CRISP2: variants seen among roughly 807,000 people sequenced by gnomAD.
The protein encoded by CRISP2 is cysteine-rich secretory protein 2.
In CRISP2, 29 loss-of-function variants were observed where a neutral mutation model predicts 31.7. The ratio of observed to expected loss-of-function variants is 0.92; its 90% CI spans 0.68 to 1.25. The LOEUF (loss-of-function observed/expected upper bound fraction) is 1.25, where lower values mean the gene tolerates loss of function less well. Ranked by LOEUF, CRISP2 falls within the 50% of genes most tolerant of loss-of-function variation. CRISP2 has a pLI of 0.00. For synonymous variants in CRISP2, 111 were observed against 101.4 expected (o/e 1.09, Z -0.57); for missense variants, 318 against 286.5 (o/e 1.11, Z -0.79).
rs1318244749 is a variant in CRISP2, at chr6:49,700,703, C to T, written c.148G>A (p.Ala50Thr). 2 of 1,612,228 alleles carry T rather than the reference C, an allele frequency of 1.2e-6. No individual in the cohort carries two copies. The highest frequency in any genetic ancestry group is 8.5e-7 in the Non-Finnish European group (1 of 1,178,804). Residue 50 changes from alanine to threonine, a missense_variant, in exon 5 of 10, where the codon GCA becomes ACA. Transcript: ENST00000339139. ...IVNKHNELRK[A>T]VSPPASNMLK... ...ATGTTACTGGCAGGTGGAGAGACTG[C>T]TTTCCTTAGTTCATTGTGTTTATTT... is the stretch of plus-strand genomic sequence containing the variant.
At chr6:49,704,672 C>T (rs1380960939) in intron 4 of CRISP2, among the ~76,000 whole-genome samples, 1 of 152,148 alleles carries the variant, frequency 6.6e-6, no homozygotes, top group Non-Finnish European at 1.5e-5. Context: ...CTGGAGAATG[C>T]CTGCAAAGAG....
chr6:49,682,640 TTTCTTC>T, the CRISP2 span, among the ~76,000 whole-genome samples: 4 of 74,936 alleles, frequency 5.3e-5, no homozygotes, highest in Admixed American at 6.0e-4. Flanking sequence ...TCTTTCTTTC[TTTCTTC>T]TTTCTTTCTT....
At chr6:49,696,726 G>A (rs1394073288) in intron 8 of CRISP2, among the ~76,000 whole-genome samples, 1 of 152,090 alleles carries the variant, frequency 6.6e-6, no homozygotes, top group South Asian at 2.1e-4. Flanking sequence ...TTAAAATTAT[G>A]TGGGAGTCCA....
At chr6:49,709,781 A>G (rs1767683273) in intron 3 of CRISP2, among the ~76,000 whole-genome samples, 1 of 152,204 alleles carries the variant, frequency 6.6e-6, no homozygotes, top group Admixed American at 6.5e-5. Flanking sequence ...TATACTTGTG[A>G]ATATTTTCAA....
chr6:49,695,718 GT>G, intron 9 of CRISP2, 117 bp downstream of exon 9: 3 of 838,992 alleles, frequency 3.6e-6, no homozygotes, highest in Non-Finnish European at 5.5e-6. Flanking sequence ...ATAATTTTGG[GT>G]TTTTTCACCA....
chr6:49,702,270 C>G (rs1043045456), intron 4 of CRISP2, among the ~76,000 whole-genome samples: 4 of 146,196 alleles, frequency 2.7e-5, no homozygotes, highest in Admixed American at 7.1e-5. Flanking sequence ...TATAAACATG[C>G]GTGTGCAAGT....
At chr6:49,684,098 A>C in the CRISP2 span, among the ~76,000 whole-genome samples, 1 of 152,152 alleles carries the variant, frequency 6.6e-6, no homozygotes, top group East Asian at 1.9e-4. Context: ...TCATCCGTAA[A>C]ATAAAGAGAA....
At chr6:49,681,532 G>A in the CRISP2 span, among the ~76,000 whole-genome samples, 2 of 151,884 alleles carry the variant, frequency 1.3e-5, no homozygotes, top group South Asian at 4.2e-4. Context: ...ATTAAATGTG[G>A]GCAATAACAT....
the CRISP2 span, among the ~76,000 whole-genome samples, chr6:49,683,156 C>G: frequency 5.8e-5 from 4 of 69,362 alleles, no homozygotes; most frequent in Non-Finnish European, 8.9e-5. Context: ...GAAACTCCAT[C>G]TCAAAATAAA....
chr6:49,696,585 AGT>A (rs1491409457), intron 8 of CRISP2, among the ~76,000 whole-genome samples: 15 of 88,800 alleles, frequency 1.7e-4, no homozygotes, highest in Non-Finnish European at 2.0e-4. Context: ...CAGAACTTAA[AGT>A]AAAAAAAAAA....
At chr6:49,708,871 T>C (rs1485222234) in intron 4 of CRISP2, among the ~76,000 whole-genome samples, 1 of 152,182 alleles carries the variant, frequency 6.6e-6, no homozygotes, top group Non-Finnish European at 1.5e-5. Context: ...TTTCTTACCA[T>C]CAGAGTACAT....
the CRISP2 span, among the ~76,000 whole-genome samples, chr6:49,683,679 AAAAAAAAAAAAAAAAATAT>A: frequency 1.7e-4 from 8 of 47,688 alleles, no homozygotes; most frequent in African/African-American, 4.8e-4. Context: ...AAAAAAAAAA[AAAAAAAAAAAAAAAAATAT>A]ATATATATAT....
chr6:49,700,488 T>C (rs1452754629), intron 5 of CRISP2, among the ~76,000 whole-genome samples, 180 bp downstream of exon 5: 1 of 152,196 alleles, frequency 6.6e-6, no homozygotes, highest in Non-Finnish European at 1.5e-5. Flanking sequence ...AATTGAGTTT[T>C]TTTAACCAGC....
At chr6:49,703,194 A>G (rs1441055871) in intron 4 of CRISP2, among the ~76,000 whole-genome samples, 1 of 152,090 alleles carries the variant, frequency 6.6e-6, no homozygotes, top group Non-Finnish European at 1.5e-5. Flanking sequence ...TTTTTATACC[A>G]GTACCATGCT....
chr6:49,686,669 G>C, the CRISP2 span, among the ~76,000 whole-genome samples: 2 of 152,128 alleles, frequency 1.3e-5, no homozygotes, highest in Non-Finnish European at 2.9e-5. Flanking sequence ...TCTAGAACTA[G>C]AAATACCATT....
In CRISP2 at chr6:49,709,182, C is replaced by G; in HGVS notation, c.15G>C (p.Pro5=). Residue 5 remains proline (P), a synonymous_variant, in exon 4 of 10, where the codon CCG becomes CCC. Transcript: ENST00000339139. ...GCAGCACAGTAACCAGAAACAACAC[C>G]GGTAGTAAAGCCATTGCTGGAAACT... MALL[P]VLFLVTVLLP... The G allele has an allele frequency of 6.2e-7, 1 of 1,613,456 alleles. No individual in the cohort carries two copies. The highest frequency in any genetic ancestry group is 8.5e-7 in the Non-Finnish European group (1 of 1,179,800).
chr6:49,711,922 G>A (rs565146485), intron 2 of CRISP2, among the ~76,000 whole-genome samples: 10 of 152,156 alleles, frequency 6.6e-5, no homozygotes, highest in Non-Finnish European at 1.0e-4. Flanking sequence ...ACAAATAAAC[G>A]GAAATTATTC....
chr6:49,687,456 C>A (rs1046383288), downstream of CRISP2, among the ~76,000 whole-genome samples: 1 of 152,178 alleles, frequency 6.6e-6, no homozygotes, highest in African/African-American at 2.4e-5. Flanking sequence ...TGTCCTTTGA[C>A]ATCACTGGAA....
At chr6:49,695,177 C>A (rs1437655964) in intron 9 of CRISP2, among the ~76,000 whole-genome samples, 1 of 152,068 alleles carries the variant, frequency 6.6e-6, no homozygotes, top group Non-Finnish European at 1.5e-5. Flanking sequence ...TACTTCTATT[C>A]ATGGCAATTT....
Sources: allele counts gnomAD v4.1 joint callset (sites outside exome capture counted in the v4.1 genomes callset), GRCh38; gene constraint gnomAD v4.1.1; transcripts MANE v1.5; gene names NCBI Gene and HGNC (gene_info 2026-07-23, HGNC 2026-07-21).